MAPK8IP1: variants seen among roughly 807,000 people sequenced by gnomAD.
The protein encoded by MAPK8IP1 is C-Jun-amino-terminal kinase-interacting protein 1.
Under a neutral mutation model 72.6 loss-of-function variants are expected in MAPK8IP1, and 17 were observed. That is an observed-to-expected ratio of 0.23 (90% CI 0.16 to 0.35). The LOEUF (loss-of-function observed/expected upper bound fraction) is 0.35. Ranked by LOEUF, MAPK8IP1 falls within the 10% of genes least tolerant of loss-of-function variation. The pLI is 1.00. For missense variants in MAPK8IP1, 789 were observed against 1,009.7 expected (o/e 0.78, Z 2.96); for synonymous variants, 401 against 443.4 (o/e 0.90, Z 1.20).
intron 1 of MAPK8IP1, among the ~76,000 whole-genome samples, chr11:45,894,904 G>A (rs2086592164): frequency 2.0e-5 from 3 of 152,216 alleles, no homozygotes. Flanking sequence ...ACACACTACT[G>A]TACATCCAGG....
Position 45,885,810 on chromosome 11 carries a change from T to G in MAPK8IP1, c.-11T>G. On this transcript the variant is annotated 5_prime_UTR_variant, in exon 1 of 12. Transcript: ENST00000241014. The stretch of plus-strand genomic sequence containing the variant: ...CGCGCTCCGCCCGGATGGCCAGGGC[T>G]GTGCCCGAGAATGGCGGAGCGAGAA... 1 of 1,408,764 alleles carries G rather than the reference T, an allele frequency of 7.1e-7. No homozygotes were observed. Among genetic ancestry groups the G allele is most frequent in the Non-Finnish European group, 9.3e-7 (1 of 1,078,198 alleles). The allele number at this position is 1,408,764 out of a possible 1,614,324, so 87.3% of individuals were successfully genotyped here. A position where few individuals can be genotyped will look rare whatever the true frequency, so the allele number is the denominator to read the frequency against.
chr11:45,904,356 G>A lies in MAPK8IP1; in HGVS notation c.1667-99G>A. ...GCCAGGGATTGTGGCAGCCTCTGTG[G>A]GCTCTGCCATTCCCCGTGCCTCACC... On this transcript the variant is annotated intron_variant, in intron 7 of 11. Transcript: ENST00000241014. The surrounding 1 kb of genome is among the most constrained non-coding windows in gnomAD (Gnocchi z 6.4). The A allele has an allele frequency of 2.5e-6, 3 of 1,199,520 alleles. No homozygotes were observed. Among genetic ancestry groups the A allele is most frequent in the South Asian group, 1.3e-5 (1 of 78,608 alleles). The allele number at this position is 1,199,520 out of a possible 1,614,324, so 74.3% of individuals were successfully genotyped here.
Position 45,902,490 on chromosome 11 carries a change from A to G in MAPK8IP1, c.723A>G (p.Thr241=). ...TSTDSPCRRS[T]ATQMAPPGGP... Reference sequence around the variant, plus strand: ...CCGACAGCCCTTGCCGCCGCAGCACAGCCACCCAGATGGCACCTCCGGGTG... The same window carrying G: ...CCGACAGCCCTTGCCGCCGCAGCACGGCCACCCAGATGGCACCTCCGGGTG... The change falls in exon 5 of 12, where the codon ACA becomes ACG. Residue 241 remains threonine, a synonymous_variant. Transcript: ENST00000241014. The surrounding 1 kb of genome is among the most constrained non-coding windows in gnomAD (Gnocchi z 9.3). 1 of 1,606,858 alleles carries G rather than the reference A, an allele frequency of 6.2e-7. No homozygotes were observed. The highest frequency in any genetic ancestry group is 1.1e-5 in the South Asian group (1 of 90,260).
chr11:45,894,424 G>C (rs1188999029), intron 1 of MAPK8IP1, among the ~76,000 whole-genome samples: 2 of 148,352 alleles, frequency 1.3e-5, no homozygotes, highest in African/African-American at 4.9e-5. Context: ...TCAGGCATAG[G>C]CTCTCTGACC....
intron 1 of MAPK8IP1, among the ~76,000 whole-genome samples, chr11:45,889,504 C>G (rs955475849): frequency 6.6e-6 from 1 of 152,090 alleles, no homozygotes; most frequent in Non-Finnish European, 1.5e-5. Context: ...ACAGTGGAGA[C>G]ATTGGCACTG....
At position 45,906,438 on chromosome 11, in the gene MAPK8IP1, AC is replaced by A. The variant is rs1476104049; in HGVS notation, c.*718del. ...TCTTGGTCCTGTCACCCTGGCCCCA[AC>A]TATTAAAGTGCCATTTCCTGTCTGG... is the stretch of plus-strand genomic sequence containing the variant. On this transcript the variant is annotated 3_prime_UTR_variant, in exon 12 of 12. Coordinates refer to ENST00000241014, the MANE Select transcript of MAPK8IP1 (RefSeq NM_005456.4). The A allele has an allele frequency of 1.9e-5, 23 of 1,225,480 alleles. No individual in the cohort carries two copies. Among genetic ancestry groups the A allele is most frequent in the Middle Eastern group, 2.2e-4 (1 of 4,650 alleles). 75.9% of individuals were successfully genotyped at this position (1,225,480 alleles called of 1,614,324 possible).
Position 45,904,919 on chromosome 11 carries a change from C to T in MAPK8IP1, c.1894-52C>T, listed in dbSNP as rs2086692177. ...TGATGAAGAGGCCATCTCCTGTCAC[C>T]CTCACTGCAGGCCAGGTGACCGCCC... On this transcript the variant is annotated intron_variant, in intron 9 of 11. Transcript: ENST00000241014. The surrounding 1 kb of genome is among the most constrained non-coding windows in gnomAD (Gnocchi z 6.4). The T allele has an allele frequency of 1.2e-6, 2 of 1,601,062 alleles. No homozygotes were observed. Among genetic ancestry groups the T allele is most frequent in the South Asian group, 2.2e-5 (2 of 90,836 alleles).
rs773551820 is a variant in MAPK8IP1, at chr11:45,904,022, G to A, written c.1527G>A (p.Leu509=). 6.2e-7 allele frequency: 1 copy of A among 1,613,928 alleles called. No individual in the cohort carries two copies. Among genetic ancestry groups the A allele is most frequent in the African/African-American group, 1.3e-5 (1 of 75,032 alleles). Residue 509 remains leucine, a synonymous_variant, in exon 7 of 12, where the codon CTG becomes CTA. Transcript: ENST00000241014. This position sits in a 1 kb window ranked among gnomAD's most constrained non-coding sequence, Gnocchi z 6.4. The part of the protein sequence containing the change: ...FVPRHEDELE[L]EVDDPLLVEL... ...CTCGACACGAAGACGAACTTGAGCT[G>A]GAAGTGGATGACCCTCTGCTAGTGG...
chr11:45,891,549 C>G (rs2134666146), intron 1 of MAPK8IP1, among the ~76,000 whole-genome samples: 1 of 152,282 alleles, frequency 6.6e-6, no homozygotes, highest in East Asian at 1.9e-4. Context: ...GGAGGGCAGG[C>G]AGCCCAGCAG....
At position 45,887,847 on chromosome 11, in the gene MAPK8IP1, G is replaced by A. The variant is rs577351597; in HGVS notation, c.101+1926G>A. 9.2e-5 allele frequency among the ~76,000 whole-genome samples: 14 copies of A among 152,336 alleles called. No individual in the cohort carries two copies. In the South Asian group the frequency reaches 2.5e-3, roughly 27 times the overall value. On this transcript the variant is annotated intron_variant, in intron 1 of 11. Transcript: ENST00000241014. ...GTCTCAGGCCCTGCCGGCCTGCCCC[G>A]CTGCTCCCAAAGCCCCCGCTGCCCT...
chr11:45,904,662 G>T lies in MAPK8IP1; in HGVS notation c.1777-56G>T. On this transcript the variant is annotated intron_variant, in intron 8 of 11. Coordinates refer to ENST00000241014, the MANE Select transcript of MAPK8IP1 (RefSeq NM_005456.4). The surrounding 1 kb of genome is among the most constrained non-coding windows in gnomAD (Gnocchi z 6.4). The stretch of plus-strand genomic sequence containing the variant: ...GTAAAGGGCTCAGGCCCTGGGACAG[G>T]AGGGATCAGCAGAGGAACAGACAGC... The T allele has an allele frequency of 6.2e-7, 1 of 1,602,924 alleles. No individual in the cohort carries two copies. The highest frequency in any genetic ancestry group is 8.5e-7 in the Non-Finnish European group (1 of 1,170,316).
At chr11:45,892,217 G>C (rs2086572686) in intron 1 of MAPK8IP1, among the ~76,000 whole-genome samples, 1 of 152,020 alleles carries the variant, frequency 6.6e-6, no homozygotes, top group Non-Finnish European at 1.5e-5. Context: ...GGGATGCTGG[G>C]TCTGGCTCAT....
Position 45,900,182 on chromosome 11 carries a change from G to C in MAPK8IP1, c.252G>C (p.Gly84=). 2.3e-6 allele frequency: 3 copies of C among 1,315,006 alleles called. No homozygotes were observed. Among genetic ancestry groups the C allele is most frequent in the Non-Finnish European group, 2.9e-6 (3 of 1,039,346 alleles). 81.5% of individuals were successfully genotyped at this position (1,315,006 alleles called of 1,614,324 possible). Reference sequence around the variant, plus strand: ...TCTCTGCGGGCGGCGGCGGCGCGGGGAGCCGGTTGCAGGCCGAGATGCTGC... The same window carrying C: ...TCTCTGCGGGCGGCGGCGGCGCGGGCAGCCGGTTGCAGGCCGAGATGCTGC... The part of the protein sequence containing the change: ...GLLSAGGGGA[G]SRLQAEMLQM... Residue 84 remains glycine, a synonymous_variant, in exon 3 of 12, where the codon GGG becomes GGC. Transcript: ENST00000241014. This position sits in a 1 kb window ranked among gnomAD's most constrained non-coding sequence, Gnocchi z 6.5.
Position 45,902,869 on chromosome 11 carries a change from A to G in MAPK8IP1, c.1102A>G (p.Ser368Gly). Residue 368 changes from serine to glycine, a missense_variant, in exon 5 of 12, where the codon AGC becomes GGC. This residue lies in a region of MAPK8IP1 where 377 missense variants were observed against 411.7 expected (regional missense o/e 0.92). Coordinates refer to ENST00000241014, the MANE Select transcript of MAPK8IP1 (RefSeq NM_005456.4). This position sits in a 1 kb window ranked among gnomAD's most constrained non-coding sequence, Gnocchi z 9.3. ...GCCGCCACCTCCACGGGCCTCTCTG[A>G]GCTCGGACACCAGCGCCCTGTCCTA... ...EPPPPPRASL[S>G]SDTSALSYDS... 6.3e-7 allele frequency: 1 copy of G among 1,595,570 alleles called. No homozygotes were observed. Among genetic ancestry groups the G allele is most frequent in the Admixed American group, 1.7e-5 (1 of 57,360 alleles).
Position 45,900,892 on chromosome 11 carries a change from G to A in MAPK8IP1, c.522+440G>A. On this transcript the variant is annotated intron_variant, in intron 3 of 11. Coordinates refer to ENST00000241014, the MANE Select transcript of MAPK8IP1 (RefSeq NM_005456.4). This position sits in a 1 kb window ranked among gnomAD's most constrained non-coding sequence, Gnocchi z 6.5. Reference sequence around the variant, plus strand: ...ATCGTGGGGGAGGCCGTGGGAGATCGTGGCGAGGTGGGGATGGGAAGCTCA... The same window carrying A: ...ATCGTGGGGGAGGCCGTGGGAGATCATGGCGAGGTGGGGATGGGAAGCTCA... Among the ~76,000 whole-genome samples, 2 of 152,084 alleles carry A rather than the reference G, an allele frequency of 1.3e-5. 1 individual carries two copies.
intron 1 of MAPK8IP1, among the ~76,000 whole-genome samples, chr11:45,886,650 C>G (rs1014999390): frequency 1.3e-5 from 2 of 152,198 alleles, no homozygotes; most frequent in Admixed American, 6.5e-5. Flanking sequence ...CCCCACCCCC[C>G]AATCTGGTGT....
chr11:45,891,238 C>T (rs931243699), intron 1 of MAPK8IP1, among the ~76,000 whole-genome samples: 12 of 152,200 alleles, frequency 7.9e-5, no homozygotes, highest in African/African-American at 2.9e-4. Flanking sequence ...TCACAGCCAC[C>T]ATCCACACGT....
In MAPK8IP1 at chr11:45,900,482, T is replaced by A; in HGVS notation, c.522+30T>A. The A allele has an allele frequency of 6.5e-7, 1 of 1,529,284 alleles. No individual in the cohort carries two copies. Among genetic ancestry groups the A allele is most frequent in the Non-Finnish European group, 8.7e-7 (1 of 1,143,954 alleles). The allele number at this position is 1,529,284 out of a possible 1,614,324, so 94.7% of individuals were successfully genotyped here. ...GGCGCCAACGTGGGGGGCGGCGCCC[T>A]GGGCCGCCGCGGAGATGTGAGGGGG... On this transcript the variant is annotated intron_variant, in intron 3 of 11. Transcript: ENST00000241014. The surrounding 1 kb of genome is among the most constrained non-coding windows in gnomAD (Gnocchi z 6.5).
rs1232757433 is a variant in MAPK8IP1, at chr11:45,905,765, G to A, written c.*44G>A. The A allele has an allele frequency of 1.3e-6, 2 of 1,568,386 alleles. No individual in the cohort carries two copies. The highest frequency in any genetic ancestry group is 1.8e-6 in the Non-Finnish European group (2 of 1,141,094). ...TGCGTCCCCCAGCCCTCAGGCCAGT[G>A]CCAGGACAGCTGGCTGCTGACAGGA... On this transcript the variant is annotated 3_prime_UTR_variant, in exon 12 of 12. Coordinates refer to ENST00000241014, the MANE Select transcript of MAPK8IP1 (RefSeq NM_005456.4).
Sources: gnomAD v4.1 joint callset for allele counts (sites outside exome capture counted in the v4.1 genomes callset) on GRCh38, gnomAD v4.1.1 for gene constraint, gnomAD v4.1.1 regional missense constraint, Gnocchi (gnomAD v3.1) non-coding constraint, MANE v1.5 for transcripts, NCBI Gene and HGNC (gene_info 2026-07-23, HGNC 2026-07-21) for gene names.